ARRB2: variants seen among roughly 807,000 people sequenced by gnomAD.
ARRB2 encodes arrestin beta 2.
A neutral mutation model predicts 53.4 loss-of-function variants in ARRB2; 21 were observed. The ratio of observed to expected loss-of-function variants is 0.39; its 90% CI spans 0.28 to 0.57. The LOEUF (loss-of-function observed/expected upper bound fraction) is 0.57. ARRB2 is among the 20% of genes least tolerant of loss of function. The pLI is 0.55. For synonymous variants in ARRB2, 180 were observed against 212.9 expected (o/e 0.85, Z 1.34); for missense variants, 369 against 527.5 (o/e 0.70, Z 2.94).
At chr17:4,720,874 G>T in intron 14 of ARRB2, 72 bp from the exon 15 acceptor site, 1 of 1,487,468 alleles carries the variant, frequency 6.7e-7, no homozygotes, top group Non-Finnish European at 9.3e-7. Flanking sequence ...TAGCTTCGGG[G>T]AGGGCAGGGA....
chr17:4,714,827 C>A (rs1322351240), intron 1 of ARRB2, 186 bp from the exon 2 acceptor site: 1 of 430,660 alleles, frequency 2.3e-6, no homozygotes, highest in African/African-American at 2.1e-5. Flanking sequence ...CCCTTGCCAC[C>A]ACGTTAGAAA....
At chr17:4,718,565 T>G in intron 9 of ARRB2, 47 bp from the exon 10 acceptor site, 1 of 1,586,888 alleles carries the variant, frequency 6.3e-7, no homozygotes, top group South Asian at 1.1e-5. Flanking sequence ...GGTGTGGTGG[T>G]GGCTTGTGCT....
intron 10 of ARRB2, 90 bp downstream of exon 10, chr17:4,718,774 A>G (rs1915356060): frequency 1.7e-6 from 2 of 1,154,800 alleles, no homozygotes; most frequent in Admixed American, 3.1e-5. Flanking sequence ...TTCCTGAGCC[A>G]TCTCCACCTT....
At position 4,716,594 on chromosome 17, in the gene ARRB2, C is replaced by A. The variant is rs1349664676; in HGVS notation, c.343C>A (p.Pro115Thr). ...GAGGAAGCTGGGCCAGCATGCCCAC[C>A]CCTTCTTCTTCACCGTGAGGATGCC... is the stretch of plus-strand genomic sequence containing the variant. ...LLRKLGQHAH[P>T]FFFTIPQNLP... The change falls in exon 5 of 15, where the codon CCC becomes ACC. Residue 115 changes from proline (P) to threonine (T), a missense_variant. By Grantham distance (38) the Pro-to-Thr change is conservative. Coordinates refer to ENST00000269260, the MANE Select transcript of ARRB2 (RefSeq NM_004313.4). 1 of 1,573,828 alleles carries A rather than the reference C, an allele frequency of 6.4e-7. No individual in the cohort carries two copies. The highest frequency in any genetic ancestry group is 1.8e-5 in the Admixed American group (1 of 54,198).
chr17:4,712,909 C>A (rs906751677), intron 1 of ARRB2, among the ~76,000 whole-genome samples: 1 of 152,252 alleles, frequency 6.6e-6, no homozygotes, highest in Non-Finnish European at 1.5e-5. Flanking sequence ...TGACCTCTCT[C>A]TGCCTCAGTT....
At chr17:4,711,877 C>T (rs1351894953) in intron 1 of ARRB2, among the ~76,000 whole-genome samples, 1 of 152,186 alleles carries the variant, frequency 6.6e-6, no homozygotes, top group Non-Finnish European at 1.5e-5. Context: ...GAGCGAATAG[C>T]AGGAAGTGTG....
rs1914802880 is a variant in ARRB2 at position 4,715,060 on chromosome 17, C to T, written c.54+17C>T. ...AACTGCAAGGTGAGTCTCCACAGCA[C>T]TTACCCTTTTGACCCTCCCTGGGCC... On this transcript the variant is annotated intron_variant, in intron 2 of 14. Transcript: ENST00000269260. The T allele has an allele frequency of 4.4e-6, 7 of 1,604,730 alleles. No individual in the cohort carries two copies. The highest frequency in any genetic ancestry group is 6.0e-6 in the Non-Finnish European group (7 of 1,175,390).
chr17:4,712,242 C>T (rs144447850), intron 1 of ARRB2, among the ~76,000 whole-genome samples: 23 of 152,346 alleles, frequency 1.5e-4, no homozygotes, highest in African/African-American at 3.1e-4. Context: ...TTTATTCTAG[C>T]GGCTACCATA....
In ARRB2 at chr17:4,721,285, A is replaced by G; in HGVS notation, c.*246A>G. The G allele has an allele frequency of 5.8e-6, 3 of 512,942 alleles. No individual in the cohort carries two copies. The highest frequency in any genetic ancestry group is 1.0e-5 in the Non-Finnish European group (3 of 289,424). 31.8% of individuals were successfully genotyped at this position (512,942 alleles called of 1,614,324 possible). A position where few individuals can be genotyped will look rare whatever the true frequency, so the allele number is the denominator to read the frequency against. ...TTCTCCAGCCCCGCCGTGGGTGGCA[A>G]GCTGTGTTCATACCTAAATTTTCTG... On this transcript the variant is annotated 3_prime_UTR_variant, in exon 15 of 15. Transcript: ENST00000269260. The surrounding 1 kb of genome is among the most constrained non-coding windows in gnomAD (Gnocchi z 4.2).
At chr17:4,720,190 T>C in intron 11 of ARRB2, 26 bp from the exon 12 acceptor site, 1 of 1,596,602 alleles carries the variant, frequency 6.3e-7, no homozygotes, top group Non-Finnish European at 8.5e-7. Flanking sequence ...TAGGCCCTGG[T>C]CTGACTCCAA....
chr17:4,712,308 G>T (rs1914490760), intron 1 of ARRB2, among the ~76,000 whole-genome samples: 1 of 152,200 alleles, frequency 6.6e-6, no homozygotes, highest in African/African-American at 2.4e-5. Flanking sequence ...CATACCCTTT[G>T]CCTTACAACC....
chr17:4,721,323 G>A lies in ARRB2; in HGVS notation c.*284G>A. The stretch of plus-strand genomic sequence containing the variant: ...CCTAAATTTTCTGGAAGGGGACAGT[G>A]AAAAGAGGAGTGACAGGAGGGAAAG... On this transcript the variant is annotated 3_prime_UTR_variant, in exon 15 of 15. Transcript: ENST00000269260. This position sits in a 1 kb window ranked among gnomAD's most constrained non-coding sequence, Gnocchi z 4.2. 1 of 451,594 alleles carries A rather than the reference G, an allele frequency of 2.2e-6. No individual in the cohort carries two copies. The highest frequency in any genetic ancestry group is 3.9e-6 in the Non-Finnish European group (1 of 255,644). 28.0% of individuals were successfully genotyped at this position (451,594 alleles called of 1,614,324 possible).
Position 4,715,940 on chromosome 17 carries a change from C to G in ARRB2, c.55-33C>G, listed in dbSNP as rs369937487. On this transcript the variant is annotated intron_variant, in intron 2 of 14. Coordinates refer to ENST00000269260, the MANE Select transcript of ARRB2 (RefSeq NM_004313.4). ...CTCCGATGCCCTGTCACCATCCTCC[C>G]CAATCTCCCCTGTGACCCCTTGACA... 3.1e-6 allele frequency: 5 copies of G among 1,613,790 alleles called. No homozygotes were observed. The African/African-American group carries it at 5.3e-5, about 17-fold the overall frequency.
chr17:4,716,866 G>A (rs914026787), intron 5 of ARRB2: 4 of 685,308 alleles, frequency 5.8e-6, no homozygotes, highest in Admixed American at 3.0e-5. Flanking sequence ...ACAAAGTCTC[G>A]CTCTGTCGCC....
In ARRB2 at chr17:4,715,778, C is replaced by G. The variant is rs561057528; in HGVS notation, c.55-195C>G. On this transcript the variant is annotated intron_variant, in intron 2 of 14. Transcript: ENST00000269260. Reference sequence around the variant, plus strand: ...GAGGTGTGCAGAGATAAAGGAGCAGCTCAAAAGCCTAAAGGTCCACTAGTC... The same window carrying G: ...GAGGTGTGCAGAGATAAAGGAGCAGGTCAAAAGCCTAAAGGTCCACTAGTC... 2.6e-5 allele frequency: 16 copies of G among 620,332 alleles called. No homozygotes were observed. In the South Asian group the frequency reaches 3.1e-4, roughly 12 times the overall value. 38.4% of individuals were successfully genotyped at this position (620,332 alleles called of 1,614,324 possible).
intron 1 of ARRB2, among the ~76,000 whole-genome samples, chr17:4,714,265 A>C (rs1183974922): frequency 6.6e-6 from 1 of 152,222 alleles, no homozygotes; most frequent in Non-Finnish European, 1.5e-5. Flanking sequence ...TTAAAAGACA[A>C]ATAGGCTTTT....
At chr17:4,720,041 G>A (rs1448357607) in intron 11 of ARRB2, among the ~76,000 whole-genome samples, 175 bp from the exon 12 acceptor site, 2 of 152,166 alleles carry the variant, frequency 1.3e-5, no homozygotes, top group Non-Finnish European at 2.9e-5. Flanking sequence ...GAGCCAAGGA[G>A]GCTCTGAGCA....
intron 1 of ARRB2, among the ~76,000 whole-genome samples, chr17:4,712,956 C>T (rs1033789251): frequency 2.0e-5 from 3 of 152,158 alleles, no homozygotes; most frequent in African/African-American, 4.8e-5. Flanking sequence ...GGAGCTCCAT[C>T]ACTGGGTGGT....
At position 4,716,611 on chromosome 17, in the gene ARRB2, G is replaced by A. The variant is rs984511753; in HGVS notation, c.357+3G>A. ...ATGCCCACCCCTTCTTCTTCACCGT[G>A]AGGATGCCCCTGCCCTCTGAGGGCC... is the stretch of plus-strand genomic sequence containing the variant. On this transcript the variant is annotated splice_donor_region_variant and intron_variant, in intron 5 of 14. Coordinates refer to ENST00000269260, the MANE Select transcript of ARRB2 (RefSeq NM_004313.4). The A allele has an allele frequency of 9.6e-6, 15 of 1,560,704 alleles. No individual in the cohort carries two copies. The African/African-American group carries it at 2.0e-4, about 21-fold the overall frequency.
Sources: allele counts gnomAD v4.1 joint callset (sites outside exome capture counted in the v4.1 genomes callset), GRCh38; gene constraint gnomAD v4.1.1; non-coding constraint Gnocchi (gnomAD v3.1); transcripts MANE v1.5; gene names NCBI Gene and HGNC (gene_info 2026-07-23, HGNC 2026-07-21).